The following MEGF11 variants were observed in gnomAD, a reference collection of about 807,000 sequenced individuals.
MEGF11 encodes the protein multiple EGF like domains 11.
Under a neutral mutation model 146.6 loss-of-function variants are expected in MEGF11, and 126 were observed. The observed-to-expected ratio is 0.86, with a 90% CI of 0.74 to 1.00. The LOEUF (loss-of-function observed/expected upper bound fraction) is 1.00, where lower values mean the gene tolerates loss of function less well. Ranked by LOEUF, MEGF11 falls within the 50% of genes least tolerant of loss-of-function variation. The pLI is 0.00. For synonymous variants in MEGF11, 532 were observed against 583.4 expected (o/e 0.91, Z 1.27); for missense variants, 1,509 against 1,521.2 (o/e 0.99, Z 0.13).
At chr15:66,039,675 C>G (rs1451406096) in intron 5 of MEGF11, among the ~76,000 whole-genome samples, 1 of 152,174 alleles carries the variant, frequency 6.6e-6, no homozygotes, top group Non-Finnish European at 1.5e-5. Flanking sequence ...ACTACATCCT[C>G]TAGGAAGCCT....
chr15:66,150,823 C>CGA (rs66595752), intron 1 of MEGF11, among the ~76,000 whole-genome samples: 1,688 of 104,258 alleles, frequency 0.016, 35 homozygotes, highest in Non-Finnish European at 0.017. Context: ...AATGCCCTGT[C>CGA]GAGAGAGAGA....
At chr15:66,159,221 T>G (rs2089868412) in intron 1 of MEGF11, among the ~76,000 whole-genome samples, 1 of 152,242 alleles carries the variant, frequency 6.6e-6, no homozygotes, top group Admixed American at 6.5e-5. Context: ...AGAAATTTGC[T>G]TGAAGTCCAT....
intron 5 of MEGF11, among the ~76,000 whole-genome samples, chr15:66,047,953 G>GTT (rs112189578): frequency 0.014 from 2,081 of 145,448 alleles, 17 homozygotes; most frequent in Admixed American, 0.029. Flanking sequence ...TGGGAGGAGT[G>GTT]TTTTTTTTTT....
chr15:65,919,574 C>T (rs934890224), intron 15 of MEGF11, among the ~76,000 whole-genome samples: 24 of 152,186 alleles, frequency 1.6e-4, no homozygotes, highest in Admixed American at 3.3e-4. Context: ...GAAGTGTACA[C>T]GTGGTGTTGG....
At chr15:66,160,288 C>T (rs1439294559) in intron 1 of MEGF11, among the ~76,000 whole-genome samples, 5 of 126,990 alleles carry the variant, frequency 3.9e-5, no homozygotes, top group African/African-American at 1.6e-4. Flanking sequence ...TCACTGCTTT[C>T]TGCCTAGAAC....
At chr15:66,251,517 T>C (rs2092370694) in intron 1 of MEGF11, among the ~76,000 whole-genome samples, 1 of 152,114 alleles carries the variant, frequency 6.6e-6, no homozygotes. Context: ...AACTGTCACA[T>C]GAGTGATTTA....
chr15:65,996,498 T>G, intron 5 of MEGF11, among the ~76,000 whole-genome samples: 1 of 147,668 alleles, frequency 6.8e-6, no homozygotes, highest in African/African-American at 2.5e-5. Context: ...TTTTTTTTTT[T>G]AATCTCAGAT....
chr15:66,247,386 T>C (rs1275148863), intron 1 of MEGF11, among the ~76,000 whole-genome samples: 1 of 152,220 alleles, frequency 6.6e-6, no homozygotes, highest in Non-Finnish European at 1.5e-5. Context: ...AATTCAGATT[T>C]ATCTTCCCAA....
At chr15:66,220,881 C>T (rs935182992) in intron 1 of MEGF11, among the ~76,000 whole-genome samples, 1 of 151,938 alleles carries the variant, frequency 6.6e-6, no homozygotes, top group Non-Finnish European at 1.5e-5. Context: ...TGATTGTGGT[C>T]GTGGTTACAT....
In MEGF11 at chr15:65,918,104, CAG is replaced by C. The variant is rs1325529066; in HGVS notation, c.1958-12_1958-11del. 3.1e-6 allele frequency: 5 copies of C among 1,613,550 alleles called. No homozygotes were observed. Among genetic ancestry groups the C allele is most frequent in the Non-Finnish European group, 4.2e-6 (5 of 1,179,872 alleles). ...TATCCTCCAGCACACACTGTGGGCA[CAG>C]GGCAGCCTGGCACCCATCCTCCCAC... On this transcript the variant is annotated splice_polypyrimidine_tract_variant and intron_variant, in intron 15 of 25. Coordinates refer to ENST00000395614, the MANE Select transcript of MEGF11 (RefSeq NM_001385028.1).
At chr15:65,899,610 T>C (rs149877247) in intron 24 of MEGF11, among the ~76,000 whole-genome samples, 1 of 152,322 alleles carries the variant, frequency 6.6e-6, no homozygotes, top group East Asian at 1.9e-4. Flanking sequence ...GGCAGACTCT[T>C]AGCAGTATCC....
chr15:65,933,920 A>T (rs2079667758), intron 10 of MEGF11, among the ~76,000 whole-genome samples: 1 of 152,248 alleles, frequency 6.6e-6, no homozygotes, highest in Non-Finnish European at 1.5e-5. Flanking sequence ...TAGCAGTTAG[A>T]ATAGTGCCTG....
chr15:65,956,954 C>T (rs1012706572), intron 10 of MEGF11, among the ~76,000 whole-genome samples: 19 of 152,156 alleles, frequency 1.2e-4, no homozygotes, highest in African/African-American at 4.1e-4. Context: ...AATATGGCAA[C>T]ATCCATCAAG....
At chr15:65,974,994 C>T (rs576087463) in intron 7 of MEGF11, among the ~76,000 whole-genome samples, 8 of 152,096 alleles carry the variant, frequency 5.3e-5, no homozygotes, top group South Asian at 2.1e-4. Flanking sequence ...TACAGGTGCC[C>T]GCCACCACGC....
Position 65,973,613 on chromosome 15 carries a change from A to G in MEGF11, c.763-2924T>C, listed in dbSNP as rs2081363233. On this transcript the variant is annotated intron_variant, in intron 7 of 25. Coordinates refer to ENST00000395614, the MANE Select transcript of MEGF11 (RefSeq NM_001385028.1). The stretch of plus-strand genomic sequence containing the variant: ...GCCACTGCCCTCCAGCCTGGGCGAC[A>G]CAGCCAAATCCCGTGTCTTAAAACT... Among the ~76,000 whole-genome samples, 7 of 152,196 alleles carry G rather than the reference A, an allele frequency of 4.6e-5. No homozygotes were observed. The South Asian group carries it at 1.4e-3, about 32-fold the overall frequency.
Position 66,036,866 on chromosome 15 carries a change from G to A in MEGF11, c.395-54378C>T, listed in dbSNP as rs146030236. Among the ~76,000 whole-genome samples, 1,030 of 152,272 alleles carry A rather than the reference G, an allele frequency of 6.8e-3. 3 individuals are homozygous for A. Among genetic ancestry groups the A allele is most frequent in the Non-Finnish European group, 6.7e-3 (457 of 68,022 alleles). ...GGGCACATTAACTGGGATAACAAGC[G>A]TCTATCAACTTCCCCTTCCCCTCTC... On this transcript the variant is annotated intron_variant, in intron 5 of 25. Coordinates refer to ENST00000395614, the MANE Select transcript of MEGF11 (RefSeq NM_001385028.1).
intron 5 of MEGF11, among the ~76,000 whole-genome samples, chr15:66,076,486 C>G (rs527328374): frequency 6.6e-6 from 1 of 152,238 alleles, no homozygotes; most frequent in South Asian, 2.1e-4. Context: ...CCCAGCCTGC[C>G]AGAATGGGTT....
chr15:66,010,598 G>A (rs2082681019), intron 5 of MEGF11, among the ~76,000 whole-genome samples: 1 of 152,234 alleles, frequency 6.6e-6, no homozygotes, highest in South Asian at 2.1e-4. Flanking sequence ...CAGCTCTATT[G>A]AATAGAGTGC....
intron 5 of MEGF11, among the ~76,000 whole-genome samples, chr15:65,997,548 AT>A (rs567074874): frequency 1.8e-3 from 278 of 152,036 alleles, no homozygotes; most frequent in Non-Finnish European, 3.2e-3. Context: ...CTCTGGCTTT[AT>A]TTTTTTCTTT....
Sources: allele counts gnomAD v4.1 joint callset (sites outside exome capture counted in the v4.1 genomes callset), GRCh38; gene constraint gnomAD v4.1.1; transcripts MANE v1.5; gene names NCBI Gene and HGNC (gene_info 2026-07-23, HGNC 2026-07-21).